Variants in DNMBP observed in about 807,000 individuals in gnomAD.
The protein encoded by DNMBP is dynamin binding protein.
A neutral mutation model predicts 150.0 loss-of-function variants in DNMBP; 87 were observed. That is an observed-to-expected ratio of 0.58 (90% CI 0.49 to 0.69). The LOEUF (loss-of-function observed/expected upper bound fraction) is 0.69, where lower values mean the gene tolerates loss of function less well. DNMBP is among the 30% of genes least tolerant of loss of function. The pLI, the probability that DNMBP is intolerant of heterozygous loss-of-function variation, is 0.00. For missense variants in DNMBP, 1,774 were observed against 1,949.0 expected, an observed-to-expected ratio of 0.91 and a Z score of 1.69; for synonymous variants, 711 against 750.4, an observed-to-expected ratio of 0.95 and a Z score of 0.86.
intron 1 of DNMBP, among the ~76,000 whole-genome samples, chr10:99,990,925 T>C (rs1264077862): frequency 6.6e-6 from 1 of 151,990 alleles, no homozygotes; most frequent in African/African-American, 2.4e-5. Flanking sequence ...ATTCTGGTTG[T>C]TTCTCTTCAT....
In DNMBP at chr10:99,924,222, G is replaced by A. The variant is rs191730974; in HGVS notation, c.2261-15076C>T. Among the ~76,000 whole-genome samples the A allele has an allele frequency of 5.7e-3, 851 of 150,386 alleles. 4 individuals are homozygous for A. Among genetic ancestry groups the A allele is most frequent in the Middle Eastern group, 0.011 (3 of 282 alleles). ...GGAGGCCGAGGCGGGTGGATCACGA[G>A]GTCAGGAGATCGAGACCATCCTGGC... On this transcript the variant is annotated intron_variant, in intron 4 of 16. Transcript: ENST00000324109.
At chr10:99,949,508 C>A in intron 4 of DNMBP, among the ~76,000 whole-genome samples, 1 of 152,142 alleles carries the variant, frequency 6.6e-6, no homozygotes, top group South Asian at 2.1e-4. Flanking sequence ...GTTGGATACA[C>A]CTTTTATGAA....
chr10:99,883,894 T>C (rs2039409476), intron 15 of DNMBP, 117 bp downstream of exon 15: 16 of 837,458 alleles, frequency 1.9e-5, no homozygotes, highest in Middle Eastern at 2.6e-4. Context: ...AGGTTATTTT[T>C]CCCCTTAATC....
chr10:99,889,218 G>A, intron 11 of DNMBP: 1 of 280,054 alleles, frequency 3.6e-6, no homozygotes, highest in South Asian at 7.4e-5. Flanking sequence ...TCCCTAATAG[G>A]GTTTCTTAAT....
At chr10:99,911,727 A>C (rs2039902762) in intron 4 of DNMBP, among the ~76,000 whole-genome samples, 1 of 152,176 alleles carries the variant, frequency 6.6e-6, no homozygotes, top group Admixed American at 6.5e-5. Context: ...AAAACTTAAG[A>C]CATAACAGAA....
intron 1 of DNMBP, among the ~76,000 whole-genome samples, chr10:99,991,719 A>T (rs2133377910): frequency 6.6e-6 from 1 of 151,892 alleles, no homozygotes; most frequent in East Asian, 2.0e-4. Context: ...ATCCTGGCTA[A>T]CATGGTGAAA....
At chr10:99,949,821 T>C (rs768699171) in intron 4 of DNMBP, among the ~76,000 whole-genome samples, 1 of 152,206 alleles carries the variant, frequency 6.6e-6, no homozygotes, top group Non-Finnish European at 1.5e-5. Flanking sequence ...TTTTATGTAG[T>C]ACCAGTCCAT....
At chr10:99,913,097 C>G (rs7093297) in intron 4 of DNMBP, among the ~76,000 whole-genome samples, 67,085 of 151,766 alleles carry the variant, frequency 0.44, 15,063 homozygotes, top group Non-Finnish European at 0.46. Flanking sequence ...GAGTTCAAGA[C>G]CAGCCTGGGC....
rs531651093 is a variant in DNMBP, at chr10:100,004,052, G to T, written c.-11+5786C>A. On this transcript the variant is annotated intron_variant, in intron 1 of 16. Transcript: ENST00000324109. ...TTCAAGACCGGCCTGGACAACAAAG[G>T]GCGTCCCTATCTCTAAAAAAATTAC... is the stretch of plus-strand genomic sequence containing the variant. Among the ~76,000 whole-genome samples the T allele has an allele frequency of 9.1e-4, 136 of 150,184 alleles. 1 individual carries two copies. The highest frequency in any genetic ancestry group is 3.3e-3 in the African/African-American group (133 of 40,856).
chr10:99,960,287 A>T (rs1001477914), intron 3 of DNMBP, among the ~76,000 whole-genome samples: 6 of 152,118 alleles, frequency 3.9e-5, no homozygotes, highest in African/African-American at 1.4e-4. Flanking sequence ...ATCTATTTTA[A>T]TCTTACAGTT....
At chr10:99,992,805 C>T (rs2040910995) in intron 1 of DNMBP, among the ~76,000 whole-genome samples, 1 of 152,064 alleles carries the variant, frequency 6.6e-6, no homozygotes, top group African/African-American at 2.4e-5. Flanking sequence ...GGATTACAGG[C>T]ATAAGACACC....
In DNMBP at chr10:99,898,764, C is replaced by A. The variant is rs762413281; in HGVS notation, c.2703-4G>T. ...TTACCATTCGTTGTATAGGCTCCTG[C>A]AAGGCAGTGGGCATGAAAAGAAAAG... On this transcript the variant is annotated splice_region_variant and splice_polypyrimidine_tract_variant and intron_variant, in intron 7 of 16. Transcript: ENST00000324109. The A allele has an allele frequency of 1.2e-6, 2 of 1,613,282 alleles. No individual in the cohort carries two copies. The highest frequency in any genetic ancestry group is 1.7e-5 in the Admixed American group (1 of 59,974).
At chr10:99,919,190 T>C (rs1295727886) in intron 4 of DNMBP, among the ~76,000 whole-genome samples, 1 of 152,220 alleles carries the variant, frequency 6.6e-6, no homozygotes, top group Non-Finnish European at 1.5e-5. Context: ...TATTCAAAAC[T>C]GGCCTCCCAA....
At chr10:99,966,524 C>G (rs1309919465) in intron 3 of DNMBP, among the ~76,000 whole-genome samples, 1 of 152,236 alleles carries the variant, frequency 6.6e-6, no homozygotes, top group Non-Finnish European at 1.5e-5. Flanking sequence ...ATGCTACCCA[C>G]ATCCTCTGAA....
At position 99,908,966 on chromosome 10, in the gene DNMBP, A is replaced by G. The variant is rs145218311; in HGVS notation, c.2441T>C (p.Met814Thr). The change falls in exon 5 of 17, where the codon ATG (methionine) becomes ACG (threonine). Residue 814 changes from methionine (M) to threonine (T), a missense_variant. Coordinates refer to ENST00000324109, the MANE Select transcript of DNMBP (RefSeq NM_015221.4). ...CCCAGTTCCCACCTGTGCCTGCTGC[A>G]TGGGTACCATGATCCGCTCAATACA... ...EMCIERIMVP[M>T]QQAQVPNIDF... The G allele has an allele frequency of 1.1e-4, 171 of 1,613,570 alleles. 1 individual carries two copies. The East Asian group carries it at 1.7e-3, about 16-fold the overall frequency.
In DNMBP at chr10:99,876,413, G is replaced by GGC. The variant is rs2039275303; in HGVS notation, c.*737_*738insGC. 6.6e-6 allele frequency: 1 copy of GGC among 151,506 alleles called. No homozygotes were observed. The highest frequency in any genetic ancestry group is 2.4e-5 in the African/African-American group (1 of 41,046). The allele number at this position is 151,506 out of a possible 1,614,324, so 9.4% of individuals were successfully genotyped here. On this transcript the variant is annotated 3_prime_UTR_variant, in exon 17 of 17. Transcript: ENST00000324109. ...CCATCTCAAAAAAAAAAGCGGGGGG[G>GGC]CAGTGATTGTACCTAACAAGGGAAG...
intron 4 of DNMBP, among the ~76,000 whole-genome samples, chr10:99,941,759 C>G (rs552221169): frequency 2.0e-5 from 3 of 152,290 alleles, no homozygotes; most frequent in South Asian, 2.1e-4. Context: ...TGAGCCACCA[C>G]GCCTGGCCTC....
intron 3 of DNMBP, among the ~76,000 whole-genome samples, chr10:99,966,299 C>A (rs1374783265): frequency 6.6e-6 from 1 of 152,220 alleles, no homozygotes; most frequent in Non-Finnish European, 1.5e-5. Flanking sequence ...TCATTCTAGT[C>A]TCTCTTTCCC....
At chr10:99,893,452 A>T (rs1353059057) in intron 11 of DNMBP, among the ~76,000 whole-genome samples, 1 of 152,234 alleles carries the variant, frequency 6.6e-6, no homozygotes, top group Non-Finnish European at 1.5e-5. Context: ...ACAATGGACC[A>T]AGGCCAGGCG....
Sources: allele counts gnomAD v4.1 joint callset (sites outside exome capture counted in the v4.1 genomes callset), GRCh38; gene constraint gnomAD v4.1.1; transcripts MANE v1.5; gene names NCBI Gene and HGNC (gene_info 2026-07-23, HGNC 2026-07-21).